Variants in ATP9A observed in about 807,000 individuals in gnomAD.
ATP9A encodes probable phospholipid-transporting ATPase IIA.
ATP9A carries 52 observed loss-of-function variants against 144.1 expected under a neutral mutation model. The ratio of observed to expected loss-of-function variants is 0.36; its 90% CI spans 0.29 to 0.45. The LOEUF is 0.45. Ranked by LOEUF, ATP9A falls within the 20% of genes least tolerant of loss-of-function variation. The pLI is 1.00. For missense variants in ATP9A, 947 were observed against 1,392.7 expected (o/e 0.68, Z 5.09); for synonymous variants, 582 against 557.4 (o/e 1.04, Z -0.62).
rs2077140707 is a variant in ATP9A, at chr20:51,601,080, C to T, written c.*131G>A. 8 of 1,169,486 alleles carry T rather than the reference C, an allele frequency of 6.8e-6. No homozygotes were observed. The Middle Eastern group carries it at 1.2e-3, about 176-fold the overall frequency. The allele number at this position is 1,169,486 out of a possible 1,614,324, so 72.4% of individuals were successfully genotyped here. A position where few individuals can be genotyped will look rare whatever the true frequency, so the allele number is the denominator to read the frequency against. On this transcript the variant is annotated 3_prime_UTR_variant, in exon 28 of 28. Coordinates refer to ENST00000338821, the MANE Select transcript of ATP9A (RefSeq NM_006045.3). ...TTAGGACTCCGTTTAGGCGCAGAGCCACTTCCCATTAAAACTGCATGTGTT... is the reference window on the plus strand; with the variant it reads ...TTAGGACTCCGTTTAGGCGCAGAGCTACTTCCCATTAAAACTGCATGTGTT...
chr20:51,730,629 C>G (rs1200892792), intron 1 of ATP9A, among the ~76,000 whole-genome samples: 1 of 152,218 alleles, frequency 6.6e-6, no homozygotes, highest in East Asian at 1.9e-4. Context: ...TGGCTGCCAT[C>G]ACCTGCTATG....
At chr20:51,647,157 T>C (rs139468351) in intron 14 of ATP9A, among the ~76,000 whole-genome samples, 3 of 152,136 alleles carry the variant, frequency 2.0e-5, no homozygotes, top group Non-Finnish European at 4.4e-5. Flanking sequence ...TCCAAATGTC[T>C]TGTACTTGAA....
Position 51,601,215 on chromosome 20 carries a change from G to C in ATP9A, c.3140C>G (p.Ser1047Ter). 6.2e-7 allele frequency: 1 copy of C among 1,612,080 alleles called. No individual in the cohort carries two copies. The highest frequency in any genetic ancestry group is 8.5e-7 in the Non-Finnish European group (1 of 1,178,984). Reference sequence around the variant, plus strand: ...CCCCTCCAGCGAACGCACGGCCTATGATGTGAGCTTTGAGTAGCTGGGGGG... The same window carrying C: ...CCCCTCCAGCGAACGCACGGCCTATCATGTGAGCTTTGAGTAGCTGGGGGG... ...FSPPSYSKLTS is the reference protein window; with the variant it reads ...FSPPSYSKLT The change falls in exon 28 of 28, where the codon TCA becomes TGA. Residue 1047 changes from serine to a stop codon, truncating the protein, a stop_gained. Coordinates refer to ENST00000338821, the MANE Select transcript of ATP9A (RefSeq NM_006045.3). LOFTEE classifies it high-confidence loss of function.
chr20:51,638,076 TATA>T lies in ATP9A; in HGVS notation c.1668+1264_1668+1266del, dbSNP rs1568797036. ...CTAAGTAGCATTTCATCATTTTATA[TATA>T]TATATATATATATATATATATATAT... On this transcript the variant is annotated intron_variant, in intron 15 of 27. Transcript: ENST00000338821. Among the ~76,000 whole-genome samples, 83 of 13,734 alleles carry T rather than the reference TATA, an allele frequency of 6.0e-3. 2 individuals carry two copies. The highest frequency in any genetic ancestry group is 0.015 in the African/African-American group (56 of 3,634). 9.0% of individuals were successfully genotyped at this position (13,734 alleles called of 152,430 possible). A position where few individuals can be genotyped will look rare whatever the true frequency, so the allele number is the denominator to read the frequency against.
chr20:51,763,474 A>C (rs111674776), intron 1 of ATP9A, among the ~76,000 whole-genome samples: 1 of 151,112 alleles, frequency 6.6e-6, no homozygotes, highest in Non-Finnish European at 1.5e-5. Context: ...CACCACACCC[A>C]GCTAATTTTT....
rs536698244 is a variant in ATP9A at position 51,659,380 on chromosome 20, G to C, written c.1294-2230C>G. 2.0e-5 allele frequency among the ~76,000 whole-genome samples: 3 copies of C among 152,334 alleles called. No individual in the cohort carries two copies. The South Asian group carries it at 6.2e-4, about 32-fold the overall frequency. On this transcript the variant is annotated intron_variant, in intron 13 of 27. Transcript: ENST00000338821. ...TTCCTAGTATCCAGGGCAGTGTCTG[G>C]TATGTAACAGATATTTGCTGAACAA... is the stretch of plus-strand genomic sequence containing the variant.
chr20:51,741,578 A>AAAAAAT (rs956042518), intron 1 of ATP9A, among the ~76,000 whole-genome samples: 1 of 152,182 alleles, frequency 6.6e-6, no homozygotes, highest in African/African-American at 2.4e-5. Flanking sequence ...ACTCCGTCTC[A>AAAAAAT]AAAAATAAAA....
chr20:51,637,233 G>A (rs1340862928), intron 15 of ATP9A, among the ~76,000 whole-genome samples: 1 of 147,120 alleles, frequency 6.8e-6, no homozygotes, highest in South Asian at 2.2e-4. Context: ...GAAGAGTGGT[G>A]CAAAGATAGG....
intron 4 of ATP9A, among the ~76,000 whole-genome samples, chr20:51,712,177 A>T (rs948149042): frequency 6.7e-6 from 1 of 148,956 alleles, no homozygotes; most frequent in Non-Finnish European, 1.5e-5. Flanking sequence ...GGTTCACGCC[A>T]TTCTCCTGCC....
intron 18 of ATP9A, among the ~76,000 whole-genome samples, chr20:51,624,574 G>A (rs1435731586): frequency 2.6e-5 from 4 of 152,130 alleles, no homozygotes; most frequent in Admixed American, 1.3e-4. Flanking sequence ...ACAGACCGGC[G>A]TGCTGATCAC....
intron 25 of ATP9A, 57 bp downstream of exon 25, chr20:51,608,461 A>G: frequency 9.0e-7 from 1 of 1,109,550 alleles, no homozygotes; most frequent in East Asian, 2.4e-5. Context: ...GAGGGAGGGA[A>G]GGAAGGGAAA....
At chr20:51,731,972 G>A (rs564773856) in intron 1 of ATP9A, among the ~76,000 whole-genome samples, 1 of 152,166 alleles carries the variant, frequency 6.6e-6, no homozygotes, top group South Asian at 2.1e-4. Flanking sequence ...CAAAGATGAT[G>A]TCTCAGAGCT....
At chr20:51,615,086 C>A (rs2077198053) in intron 22 of ATP9A, among the ~76,000 whole-genome samples, 1 of 4,476 alleles carries the variant, frequency 2.2e-4, no homozygotes, top group African/African-American at 1.1e-3. Context: ...GGTGGGGGTG[C>A]CTGGGGGGGC....
At chr20:51,713,545 A>G (rs1019664456) in intron 3 of ATP9A, among the ~76,000 whole-genome samples, 37 of 152,216 alleles carry the variant, frequency 2.4e-4, no homozygotes, top group African/African-American at 8.7e-4. Context: ...AGAGAGGCTG[A>G]GTAATCTTGC....
chr20:51,730,057 T>C, intron 1 of ATP9A, 79 bp from the exon 2 acceptor site: 1 of 1,361,574 alleles, frequency 7.3e-7, no homozygotes. Context: ...CTTCGCAGAT[T>C]GCTTTTCTCT....
intron 1 of ATP9A, among the ~76,000 whole-genome samples, chr20:51,752,387 G>A (rs537099830): frequency 3.3e-5 from 5 of 152,186 alleles, no homozygotes; most frequent in Non-Finnish European, 5.9e-5. Context: ...TCACTAGAAC[G>A]GAAGCCCCAC....
At chr20:51,648,721 A>G (rs1054394478) in intron 14 of ATP9A, among the ~76,000 whole-genome samples, 1 of 152,094 alleles carries the variant, frequency 6.6e-6, no homozygotes, top group African/African-American at 2.4e-5. Flanking sequence ...CATCCCAGCT[A>G]CTTGGAAGGC....
At chr20:51,652,127 A>G (rs1190513997) in intron 14 of ATP9A, among the ~76,000 whole-genome samples, 1 of 152,098 alleles carries the variant, frequency 6.6e-6, no homozygotes, top group Non-Finnish European at 1.5e-5. Flanking sequence ...ACTGTGGAAC[A>G]TCCTGGAAAT....
Position 51,683,091 on chromosome 20 carries a change from C to CA in ATP9A, c.799+5972dup, listed in dbSNP as rs367590324. Among the ~76,000 whole-genome samples the CA allele has an allele frequency of 8.3e-3, 1,220 of 146,484 alleles. 22 individuals carry two copies. The highest frequency in any genetic ancestry group is 0.029 in the African/African-American group (1,152 of 40,162). ...TGGGGACAAGAGCAAAACTTTGTCTCAAAAAAAAAATAATAATAAACAGCG... is the reference window on the plus strand; with the variant it reads ...TGGGGACAAGAGCAAAACTTTGTCTCAAAAAAAAAAATAATAATAAACAGCG... On this transcript the variant is annotated intron_variant, in intron 9 of 27. Coordinates refer to ENST00000338821, the MANE Select transcript of ATP9A (RefSeq NM_006045.3).
Sources: allele counts gnomAD v4.1 joint callset (sites outside exome capture counted in the v4.1 genomes callset), GRCh38; gene constraint gnomAD v4.1.1; transcripts MANE v1.5; gene names NCBI Gene and HGNC (gene_info 2026-07-23, HGNC 2026-07-21).